Variants in PWWP2A observed in about 807,000 individuals in gnomAD.
PWWP2A encodes PWWP domain-containing protein 2A.
In PWWP2A, 18 loss-of-function variants were observed where a neutral mutation model predicts 48.5. That is an observed-to-expected ratio of 0.37 (90% CI 0.26 to 0.55). The LOEUF (loss-of-function observed/expected upper bound fraction) is 0.55. PWWP2A is among the 20% of genes least tolerant of loss of function. The pLI is 0.81. For missense variants in PWWP2A, 867 were observed against 976.4 expected (o/e 0.89, Z 1.49); for synonymous variants, 396 against 387.7 (o/e 1.02, Z -0.25).
At position 160,091,761 on chromosome 5, in the gene PWWP2A, G is replaced by A. The variant is rs1755086792; in HGVS notation, c.*621C>T. ...TCCCAAACACTGGGCTATTTCCCCA[G>A]TCTGTAACTGAATTGCAACCATCTG... On this transcript the variant is annotated 3_prime_UTR_variant, in exon 2 of 2. Transcript: ENST00000307063. 1 of 984,978 alleles carries A rather than the reference G, an allele frequency of 1.0e-6. No homozygotes were observed. Among genetic ancestry groups the A allele is most frequent in the African/African-American group, 1.7e-5 (1 of 57,156 alleles). The allele number at this position is 984,978 out of a possible 1,614,324, so 61.0% of individuals were successfully genotyped here.
chr5:160,075,051 C>A (rs1007044349), downstream of PWWP2A, among the ~76,000 whole-genome samples: 6 of 152,180 alleles, frequency 3.9e-5, no homozygotes, highest in Non-Finnish European at 7.3e-5. Flanking sequence ...TTCCATCATT[C>A]ATTCCCTCCA....
chr5:160,048,308 C>A, the PWWP2A span, among the ~76,000 whole-genome samples: 1 of 151,924 alleles, frequency 6.6e-6, no homozygotes, highest in Non-Finnish European at 1.5e-5. Context: ...CACACTGCCA[C>A]GCCCAGCTAA....
downstream of PWWP2A, among the ~76,000 whole-genome samples, chr5:160,058,930 C>G (rs1024770365): frequency 1.3e-5 from 2 of 152,128 alleles, no homozygotes; most frequent in Non-Finnish European, 2.9e-5. Context: ...GCTTAAAATG[C>G]TCAGTAAATT....
In PWWP2A at chr5:160,092,238, C is replaced by T. The variant is rs963523792; in HGVS notation, c.*144G>A. 2 of 1,399,060 alleles carry T rather than the reference C, an allele frequency of 1.4e-6. No individual in the cohort carries two copies. Among genetic ancestry groups the T allele is most frequent in the Admixed American group, 6.0e-5 (2 of 33,430 alleles). The allele number at this position is 1,399,060 out of a possible 1,614,324, so 86.7% of individuals were successfully genotyped here. A position where few individuals can be genotyped will look rare whatever the true frequency, so the allele number is the denominator to read the frequency against. On this transcript the variant is annotated 3_prime_UTR_variant, in exon 2 of 2. Transcript: ENST00000307063. ...GTTTAAGCTCTCAGTCTAAAAATGG[C>T]TATAAGGTAAGTATTAAAAAGCCAG...
intron 1 of PWWP2A, among the ~76,000 whole-genome samples, chr5:160,107,972 G>T (rs1259803214): frequency 6.6e-6 from 1 of 151,968 alleles, no homozygotes. Context: ...TTGCACTCTG[G>T]CCTGGGCGAC....
the PWWP2A span, among the ~76,000 whole-genome samples, chr5:160,047,875 A>G: frequency 6.6e-6 from 1 of 152,066 alleles, no homozygotes; most frequent in Non-Finnish European, 1.5e-5. Flanking sequence ...TTGTATTTCC[A>G]TGACCTTGTT....
chr5:160,068,875 A>C (rs1283915282), intron 2 of PWWP2A, among the ~76,000 whole-genome samples: 1 of 152,134 alleles, frequency 6.6e-6, no homozygotes, highest in Non-Finnish European at 1.5e-5. Flanking sequence ...TGTTTTTTCA[A>C]ATGTCTCCTT....
At chr5:160,074,670 C>T (rs539185706), downstream of PWWP2A, among the ~76,000 whole-genome samples, 905 of 151,292 alleles carry the variant, frequency 6.0e-3, 9 homozygotes, top group Non-Finnish European at 6.9e-3. Context: ...TGCTTGAACC[C>T]GGGAGGCGGA....
intron 2 of PWWP2A, among the ~76,000 whole-genome samples, chr5:160,068,372 G>A (rs986013888): frequency 5.3e-5 from 8 of 152,236 alleles, no homozygotes; most frequent in Admixed American, 1.3e-4. Context: ...GGCTGAGGCA[G>A]GCAGATCACC....
the PWWP2A span, among the ~76,000 whole-genome samples, chr5:160,055,034 G>A: frequency 0.026 from 3,913 of 152,244 alleles, 80 homozygotes; most frequent in Middle Eastern, 0.082. Context: ...CTTCCTGGGG[G>A]TTGGTTCTTT....
chr5:160,083,956 C>T (rs571942619), intron 2 of PWWP2A, among the ~76,000 whole-genome samples: 13 of 152,208 alleles, frequency 8.5e-5, no homozygotes, highest in Admixed American at 1.3e-4. Context: ...CCTATTAAAA[C>T]TAGTGAGTCC....
At chr5:160,117,089 AAAAT>A (rs576504085) in intron 1 of PWWP2A, among the ~76,000 whole-genome samples, 208 of 152,190 alleles carry the variant, frequency 1.4e-3, no homozygotes, top group Non-Finnish European at 1.4e-3. Flanking sequence ...CTCTGTCTCA[AAAAT>A]AAATAAATAA....
chr5:160,099,720 C>T (rs1215034619), intron 1 of PWWP2A, among the ~76,000 whole-genome samples: 2 of 151,450 alleles, frequency 1.3e-5, no homozygotes, highest in African/African-American at 2.4e-5. Context: ...CTCTGCTGCC[C>T]AGGCTAGAGC....
chr5:160,086,815 T>A (rs1216935108), downstream of PWWP2A, among the ~76,000 whole-genome samples: 2 of 152,194 alleles, frequency 1.3e-5, no homozygotes, highest in Non-Finnish European at 2.9e-5. Flanking sequence ...AATATGGAAG[T>A]CATTTAAATT....
intron 1 of PWWP2A, chr5:160,113,376 A>C (rs1009576732): frequency 4.3e-5 from 42 of 971,520 alleles, no homozygotes; most frequent in Non-Finnish European, 4.5e-5. Flanking sequence ...TCAAATGATT[A>C]CAAAAGCAGA....
At chr5:160,075,805 T>TAAAAAAAAAAAAA (rs58558222), downstream of PWWP2A, 6 of 69,840 alleles carry the variant, frequency 8.6e-5, no homozygotes, top group African/African-American at 3.4e-4. Context: ...ATTCTAATAG[T>TAAAAAAAAAAAAA]AAAAAAAAAA....
At chr5:160,096,083 G>A (rs1755618789) in intron 1 of PWWP2A, among the ~76,000 whole-genome samples, 2 of 152,066 alleles carry the variant, frequency 1.3e-5, no homozygotes. Context: ...ACCTAAACGT[G>A]GGCAGGATTT....
chr5:160,062,813 T>C (rs999198622), intron 5 of PWWP2A, among the ~76,000 whole-genome samples: 1 of 152,096 alleles, frequency 6.6e-6, no homozygotes, highest in African/African-American at 2.4e-5. Flanking sequence ...GATGGTTTTT[T>C]TTTTCCCCCT....
chr5:160,117,807 C>T (rs1268353108), intron 1 of PWWP2A: 2 of 843,398 alleles, frequency 2.4e-6, no homozygotes, highest in East Asian at 1.2e-4. Context: ...GGAGAGCAAG[C>T]AAGTTTAAGA....
Sources: allele counts gnomAD v4.1 joint callset (sites outside exome capture counted in the v4.1 genomes callset), GRCh38; gene constraint gnomAD v4.1.1; transcripts MANE v1.5; gene names NCBI Gene and HGNC (gene_info 2026-07-23, HGNC 2026-07-21).